The following ODF2 variants were observed in gnomAD, a reference collection of about 807,000 sequenced individuals.
ODF2 encodes the protein outer dense fiber protein 2.
A neutral mutation model predicts 110.2 loss-of-function variants in ODF2; 47 were observed. The observed-to-expected ratio is 0.43, with a 90% CI of 0.34 to 0.54. The LOEUF is 0.54. ODF2 is among the 20% of genes least tolerant of loss of function. The pLI, the probability that ODF2 is intolerant of heterozygous loss-of-function variation, is 0.03. For synonymous variants in ODF2, 352 were observed against 397.7 expected (o/e 0.89, Z 1.37); for missense variants, 812 against 1,054.5 (o/e 0.77, Z 3.19).
At chr9:128,473,921 C>G (rs1403089064) in intron 8 of ODF2, among the ~76,000 whole-genome samples, 180 bp downstream of exon 8, 1 of 152,128 alleles carries the variant, frequency 6.6e-6, no homozygotes, top group Non-Finnish European at 1.5e-5. Context: ...ATCTTAGATG[C>G]CGTTGAATCC....
At chr9:128,473,200 T>C in intron 7 of ODF2, 158 bp downstream of exon 7, 1 of 985,048 alleles carries the variant, frequency 1.0e-6, no homozygotes, top group Non-Finnish European at 1.2e-6. Flanking sequence ...CACTCTCACT[T>C]CCCAATCCTT....
upstream of ODF2, among the ~76,000 whole-genome samples, chr9:128,455,674 C>CA: frequency 1.6e-5 from 2 of 122,798 alleles, no homozygotes; most frequent in African/African-American, 8.3e-5. Context: ...GCGATGTGGG[C>CA]AGGGGAGAGG....
chr9:128,492,641 G>A (rs1844830185), intron 15 of ODF2, 60 bp from the exon 16 acceptor site: 1 of 1,568,278 alleles, frequency 6.4e-7, no homozygotes, highest in Non-Finnish European at 8.8e-7. Context: ...GGGTATGGAA[G>A]ATGGTTTTCA....
chr9:128,484,717 G>C (rs1031002229), exon 12 of ODF2: 1 of 1,575,194 alleles, frequency 6.3e-7, no homozygotes. Flanking sequence ...GAGCGCAGCG[G>C]GAATCAGCAT....
At position 128,498,995 on chromosome 9, in the gene ODF2, G is replaced by A. The variant is rs1175484883; in HGVS notation, c.2176-6G>A. ...CAGTCTCATGTCTGGGCCTTTGAATGTGCAGGTGGAACAAACCAAGGAGCA... is the reference window on the plus strand; with the variant it reads ...CAGTCTCATGTCTGGGCCTTTGAATATGCAGGTGGAACAAACCAAGGAGCA... On this transcript the variant is annotated splice_polypyrimidine_tract_variant and splice_region_variant and intron_variant, in intron 19 of 20. Coordinates refer to ENST00000604420, the Ensembl canonical transcript of ODF2. 3.7e-6 allele frequency: 6 copies of A among 1,614,036 alleles called. No homozygotes were observed. The highest frequency in any genetic ancestry group is 3.3e-5 in the South Asian group (3 of 91,054).
intron 6 of ODF2, 124 bp from the exon 7 acceptor site, chr9:128,472,789 C>T: frequency 6.9e-7 from 1 of 1,458,764 alleles, no homozygotes; most frequent in Non-Finnish European, 9.3e-7. Context: ...AAGGGCTGTC[C>T]CTGCCCCCTC....
At chr9:128,457,062 C>T (rs1835060726) in intron 1 of ODF2, 1 of 1,314,352 alleles carries the variant, frequency 7.6e-7, no homozygotes, top group Non-Finnish European at 9.9e-7. Flanking sequence ...AGGTTTCCCC[C>T]GGTAGCCACC....
rs1843761166 is a variant in ODF2, at chr9:128,488,107, G to A, written c.1536+82G>A. On this transcript the variant is annotated intron_variant, in intron 14 of 20. Coordinates refer to ENST00000604420, the Ensembl canonical transcript of ODF2. ...GGGTCTTGTCTTACGTGGGCCTGGG[G>A]GCATCTTGACTAAGAGGGAGTCAGA... is the stretch of plus-strand genomic sequence containing the variant. 4 of 1,526,812 alleles carry A rather than the reference G, an allele frequency of 2.6e-6. No individual in the cohort carries two copies. The South Asian group carries it at 4.6e-5, about 17-fold the overall frequency. The allele number at this position is 1,526,812 out of a possible 1,614,324, so 94.6% of individuals were successfully genotyped here.
In ODF2 at chr9:128,457,178, A is replaced by G. The variant is rs948178359; in HGVS notation, c.-208-20A>G. ...GCCCCCAGGTCGCTCAGCCTCTACT[A>G]TTTCCCCCTACTTTGGCAGGACAGT... is the stretch of plus-strand genomic sequence containing the variant. On this transcript the variant is annotated intron_variant, in intron 1 of 20. Transcript: ENST00000604420. 8.6e-6 allele frequency: 13 copies of G among 1,516,848 alleles called. No individual in the cohort carries two copies. The Admixed American group carries it at 1.6e-4, about 19-fold the overall frequency. 94.0% of individuals were successfully genotyped at this position (1,516,848 alleles called of 1,614,324 possible). A position where few individuals can be genotyped will look rare whatever the true frequency, so the allele number is the denominator to read the frequency against.
rs545130454 is a variant in ODF2 at position 128,487,330 on chromosome 9, G to A, written c.1401-560G>A. ...GGAGGTATGGGAGACACATCTTAAC[G>A]GACGTCGTTCAGAGGTGGGACAGGC... is the stretch of plus-strand genomic sequence containing the variant. On this transcript the variant is annotated intron_variant, in intron 13 of 20. Coordinates refer to ENST00000604420, the Ensembl canonical transcript of ODF2. 2.6e-5 allele frequency among the ~76,000 whole-genome samples: 4 copies of A among 152,262 alleles called. No homozygotes were observed. The South Asian group carries it at 6.2e-4, about 24-fold the overall frequency.
upstream of ODF2, chr9:128,456,009 CGGGGCGGGGCATCTCTGTGACGCTA>C (rs1025563334): frequency 4.9e-6 from 7 of 1,418,658 alleles, no homozygotes; most frequent in Admixed American, 3.1e-5. Flanking sequence ...GCCCTTCTGG[CGGGGCGGGGCATCTCTGTGACGCTA>C]GGGGCTGGGC....
intron 16 of ODF2, 40 bp downstream of exon 16, chr9:128,492,845 C>G (rs2132230583): frequency 6.6e-7 from 1 of 1,518,990 alleles, no homozygotes; most frequent in African/African-American, 1.4e-5. Flanking sequence ...CTACCCAATT[C>G]CATATCTAAC....
intron 10 of ODF2, among the ~76,000 whole-genome samples, chr9:128,483,300 G>A (rs1398282344): frequency 2.6e-5 from 4 of 152,178 alleles, no homozygotes; most frequent in South Asian, 4.1e-4. Flanking sequence ...GCACTTTTTC[G>A]AGACCAGCCT....
chr9:128,483,541 C>T (rs1207705100), intron 10 of ODF2, among the ~76,000 whole-genome samples: 2 of 151,510 alleles, frequency 1.3e-5, no homozygotes, highest in Non-Finnish European at 2.9e-5. Flanking sequence ...CATGGTCACG[C>T]CACTGCACTC....
chr9:128,471,374 G>C, exon 6 of ODF2: 1 of 1,613,606 alleles, frequency 6.2e-7, no homozygotes, highest in Non-Finnish European at 8.5e-7. Context: ...GGAAGAGCTG[G>C]AGGAGGTGGC....
At chr9:128,497,443 AAAAATATATATATATATATATATATATAT>A (rs1290649772) in intron 18 of ODF2, 1 of 84,294 alleles carries the variant, frequency 1.2e-5, no homozygotes, top group Admixed American at 1.3e-4. Context: ...AAAAAAAAAA[AAAAATATATATATATATATATATATATAT>A]ATATATATAT....
chr9:128,456,520 C>A, intron 1 of ODF2: 1 of 1,525,848 alleles, frequency 6.6e-7, no homozygotes, highest in South Asian at 1.2e-5. Flanking sequence ...CTGCCGCCCG[C>A]GGGCAGGGCT....
At chr9:128,499,828 T>C (rs923556606) in intron 20 of ODF2, among the ~76,000 whole-genome samples, 1 of 152,214 alleles carries the variant, frequency 6.6e-6, no homozygotes, top group Non-Finnish European at 1.5e-5. Context: ...CATGCTGGTC[T>C]TGAACTCCTA....
exon 11 of ODF2, chr9:128,483,997 G>A (rs746625116): frequency 1.5e-5 from 25 of 1,613,688 alleles, no homozygotes; most frequent in Middle Eastern, 3.3e-4. Context: ...GTGGGCATTT[G>A]CAGGCACAGC....
Sources: gnomAD v4.1 joint callset for allele counts (sites outside exome capture counted in the v4.1 genomes callset) on GRCh38, gnomAD v4.1.1 for gene constraint, MANE v1.5 for transcripts, NCBI Gene and HGNC (gene_info 2026-07-23, HGNC 2026-07-21) for gene names.